The following IL1RAPL2 variants were observed in gnomAD, a reference collection of about 807,000 sequenced individuals.
IL1RAPL2 encodes interleukin 1 receptor accessory protein like 2.
IL1RAPL2 carries 3 observed loss-of-function variants against 44.1 expected under a neutral mutation model. That is an observed-to-expected ratio of 0.07 (90% confidence interval 0.03 to 0.18). The LOEUF (loss-of-function observed/expected upper bound fraction) is 0.18, where lower values mean the gene tolerates loss of function less well. Among genes scored for constraint, IL1RAPL2 ranks in the 10% least tolerant of loss-of-function variants. IL1RAPL2 has a pLI of 1.00. For synonymous variants in IL1RAPL2, 181 were observed against 178.8 expected (o/e 1.01, Z -0.10); for missense variants, 391 against 496.4 (o/e 0.79, Z 2.02).
chrX:105,432,400 T>TAGA (rs1475988415), intron 5 of IL1RAPL2, among the ~76,000 whole-genome samples: 15 of 109,789 alleles, frequency 1.4e-4, no homozygotes, highest in African/African-American at 5.0e-4. Context: ...GGGAGAGGTA[T>TAGA]AGGTGATATA....
intron 2 of IL1RAPL2, among the ~76,000 whole-genome samples, chrX:104,999,821 G>A (rs936913993): frequency 9.0e-6 from 1 of 111,403 alleles, no homozygotes; most frequent in Non-Finnish European, 1.9e-5. Context: ...TTGTGTATGT[G>A]ATAATACCCA....
intron 6 of IL1RAPL2, among the ~76,000 whole-genome samples, chrX:105,693,803 T>C (rs2038055528): frequency 9.0e-6 from 1 of 110,975 alleles, no homozygotes; most frequent in Non-Finnish European, 1.9e-5. Context: ...GAGATTTAAA[T>C]ATGCTACAAT....
intron 6 of IL1RAPL2, among the ~76,000 whole-genome samples, chrX:105,694,178 A>G (rs1363427034): frequency 9.0e-6 from 1 of 111,693 alleles, no homozygotes; most frequent in Non-Finnish European, 1.9e-5. Context: ...TGGTCAAAGC[A>G]AGTCATAAGG....
chrX:104,648,515 C>G (rs989882356), intron 1 of IL1RAPL2, among the ~76,000 whole-genome samples: 16 of 112,038 alleles, frequency 1.4e-4, no homozygotes, highest in African/African-American at 4.2e-4. Flanking sequence ...TTTGAGAAGA[C>G]TATTGACAAA....
chrX:104,801,329 T>C (rs1932883804), intron 2 of IL1RAPL2, among the ~76,000 whole-genome samples: 1 of 111,833 alleles, frequency 8.9e-6, no homozygotes, highest in Admixed American at 9.5e-5. Context: ...TAAATGCAAG[T>C]TGTCATTAAG....
chrX:105,382,726 T>C (rs1490782906), intron 5 of IL1RAPL2, among the ~76,000 whole-genome samples: 1 of 97,321 alleles, frequency 1.0e-5, no homozygotes, highest in East Asian at 2.9e-4. Context: ...AACCCAAATG[T>C]CCAACAATGA....
intron 2 of IL1RAPL2, among the ~76,000 whole-genome samples, chrX:104,998,488 C>A (rs895543950): frequency 2.7e-5 from 3 of 111,446 alleles, no homozygotes; most frequent in Non-Finnish European, 5.7e-5. Context: ...TAAAATAGAA[C>A]GTACACCAGT....
intron 2 of IL1RAPL2, among the ~76,000 whole-genome samples, chrX:105,033,511 G>A (rs1287891012): frequency 3.6e-5 from 4 of 111,381 alleles, no homozygotes; most frequent in African/African-American, 1.3e-4. Context: ...ATGAAATTCT[G>A]GGTTGAAAAT....
At chrX:105,679,648 A>AATG (rs762286977) in intron 6 of IL1RAPL2, among the ~76,000 whole-genome samples, 5 of 112,067 alleles carry the variant, frequency 4.5e-5, no homozygotes, top group Non-Finnish European at 9.4e-5. Flanking sequence ...AACAATGAAC[A>AATG]ATGAACAGAA....
intron 6 of IL1RAPL2, among the ~76,000 whole-genome samples, chrX:105,647,409 T>C (rs1296762819): frequency 8.9e-6 from 1 of 112,036 alleles, no homozygotes; most frequent in African/African-American, 3.2e-5. Context: ...TGGGTTTATA[T>C]CCCGATCATT....
intron 2 of IL1RAPL2, among the ~76,000 whole-genome samples, chrX:104,834,002 G>A (rs762348797): frequency 4.5e-5 from 5 of 110,830 alleles, no homozygotes; most frequent in Non-Finnish European, 7.6e-5. Context: ...CTTTTTATTG[G>A]AATCTCAGTT....
intron 4 of IL1RAPL2, among the ~76,000 whole-genome samples, chrX:105,249,559 G>T (rs1473979647): frequency 9.0e-6 from 1 of 111,351 alleles, no homozygotes; most frequent in Non-Finnish European, 1.9e-5. Flanking sequence ...TTTCTATGAT[G>T]TGATTATTAC....
intron 2 of IL1RAPL2, among the ~76,000 whole-genome samples, chrX:104,677,471 C>T (rs998033671): frequency 5.4e-5 from 6 of 110,924 alleles, no homozygotes; most frequent in African/African-American, 1.6e-4. Flanking sequence ...TCTCCAGCTG[C>T]GTGCTGGGAG....
At chrX:105,548,196 A>T (rs764495694) in intron 6 of IL1RAPL2, among the ~76,000 whole-genome samples, 39 of 111,691 alleles carry the variant, frequency 3.5e-4, no homozygotes, top group Non-Finnish European at 6.2e-4. Context: ...CATGAAATTC[A>T]TAATTTACTG....
chrX:105,012,598 TTCTCTCTCTCTCTCTCTCTCTC>T (rs1174323282), intron 2 of IL1RAPL2, among the ~76,000 whole-genome samples: 71 of 51,718 alleles, frequency 1.4e-3, no homozygotes, highest in African/African-American at 5.5e-3. Context: ...AACTTTCTCT[TTCTCTCTCTCTCTCTCTCTCTC>T]TCTCTCTCTC....
chrX:105,367,405 G>A (rs1017308713), intron 5 of IL1RAPL2, among the ~76,000 whole-genome samples: 3 of 111,079 alleles, frequency 2.7e-5, no homozygotes, highest in Non-Finnish European at 5.7e-5. Context: ...TTGTTAATTT[G>A]CAGATCCTTT....
intron 1 of IL1RAPL2, among the ~76,000 whole-genome samples, chrX:104,606,691 A>T (rs192116232): frequency 2.4e-3 from 268 of 111,341 alleles, no homozygotes; most frequent in African/African-American, 8.0e-3. Flanking sequence ...GTGAACTCCC[A>T]TTCACAATTC....
chrX:105,132,674 C>A (rs1335705175), intron 2 of IL1RAPL2, among the ~76,000 whole-genome samples: 1 of 110,870 alleles, frequency 9.0e-6, no homozygotes, highest in Non-Finnish European at 1.9e-5. Context: ...TATAAGAGAA[C>A]CAAGGAAAGT....
At chrX:104,741,188 T>C (rs1602706133) in intron 2 of IL1RAPL2, among the ~76,000 whole-genome samples, 2 of 111,674 alleles carry the variant, frequency 1.8e-5, no homozygotes, top group East Asian at 5.7e-4. Context: ...GAAATAATTC[T>C]CCATGATAGT....
Sources: gnomAD v4.1 joint callset for allele counts (sites outside exome capture counted in the v4.1 genomes callset) on GRCh38, gnomAD v4.1.1 for gene constraint, MANE v1.5 for transcripts, NCBI Gene and HGNC (gene_info 2026-07-23, HGNC 2026-07-21) for gene names.